The following KIRREL3 variants were observed in gnomAD, a reference collection of about 807,000 sequenced individuals.
The protein encoded by KIRREL3 is kin of IRRE-like protein 3.
KIRREL3 carries 36 observed loss-of-function variants against 89.7 expected under a neutral mutation model. The ratio of observed to expected loss-of-function variants is 0.40; its 90% CI spans 0.31 to 0.53. KIRREL3 has a LOEUF of 0.53. Among genes scored for constraint, KIRREL3 ranks in the 20% least tolerant of loss-of-function variants. KIRREL3 has a pLI of 0.49. For synonymous variants in KIRREL3, 445 were observed against 441.4 expected (o/e 1.01, Z -0.10); for missense variants, 864 against 1,056.6 (o/e 0.82, Z 2.53).
Position 126,492,762 on chromosome 11 carries a change from C to T in KIRREL3, c.434-19296G>A, listed in dbSNP as rs1957556194. 6.6e-6 allele frequency among the ~76,000 whole-genome samples: 1 copy of T among 152,132 alleles called. No individual in the cohort carries two copies. Among genetic ancestry groups the T allele is most frequent in the African/African-American group, 2.4e-5 (1 of 41,442 alleles). On this transcript the variant is annotated intron_variant, in intron 4 of 16. Coordinates refer to ENST00000525144, the MANE Select transcript of KIRREL3 (RefSeq NM_032531.4). The surrounding 1 kb of genome is among the most constrained non-coding windows in gnomAD (Gnocchi z 4.8). ...TGAGGGGGCTCTGAGCTGGACCGTG[C>T]AGGGAGGACTGGCTTCTTACCTGCC...
At chr11:126,538,019 AC>A (rs1938048980) in intron 2 of KIRREL3, among the ~76,000 whole-genome samples, 1 of 148,854 alleles carries the variant, frequency 6.7e-6, no homozygotes, top group Non-Finnish European at 1.5e-5. Context: ...TGAGCTTGGG[AC>A]TGTTAAAACA....
chr11:126,855,814 C>T (rs1194187366), intron 1 of KIRREL3, among the ~76,000 whole-genome samples: 1 of 152,194 alleles, frequency 6.6e-6, no homozygotes, highest in Non-Finnish European at 1.5e-5. Flanking sequence ...GTGCCCTTTT[C>T]CCTCCCACCA....
chr11:127,000,885 G>C, upstream of KIRREL3: 1 of 404,216 alleles, frequency 2.5e-6, no homozygotes, highest in Non-Finnish European at 4.3e-6. This position sits in a 1 kb window ranked among gnomAD's most constrained non-coding sequence, Gnocchi z 7.1. Flanking sequence ...GGCGAGGGGA[G>C]AGGGAGGGGA....
At position 126,740,689 on chromosome 11, in the gene KIRREL3, T is replaced by C. The variant is rs1341625864; in HGVS notation, c.56-177777A>G. Among the ~76,000 whole-genome samples, 1 of 152,034 alleles carries C rather than the reference T, an allele frequency of 6.6e-6. No homozygotes were observed. The highest frequency in any genetic ancestry group is 6.6e-5 in the Admixed American group (1 of 15,266). ...GTAGAGGGGCTCTAGTAGGGTGTCT[T>C]GATGGGGCACAGGGGATGGGGCTAG... is the stretch of plus-strand genomic sequence containing the variant. On this transcript the variant is annotated intron_variant, in intron 1 of 16. Transcript: ENST00000525144. This position sits in a 1 kb window ranked among gnomAD's most constrained non-coding sequence, Gnocchi z 6.0.
In KIRREL3 at chr11:126,704,091, T is replaced by A. The variant is rs1414348889; in HGVS notation, c.56-141179A>T. Among the ~76,000 whole-genome samples, 2 of 152,214 alleles carry A rather than the reference T, an allele frequency of 1.3e-5. No individual in the cohort carries two copies. The highest frequency in any genetic ancestry group is 2.4e-5 in the African/African-American group (1 of 41,454). On this transcript the variant is annotated intron_variant, in intron 1 of 16. Coordinates refer to ENST00000525144, the MANE Select transcript of KIRREL3 (RefSeq NM_032531.4). The surrounding 1 kb of genome is among the most constrained non-coding windows in gnomAD (Gnocchi z 4.2). ...AATTAGATATAACTATATTCACACA[T>A]AGACACATATTACAACTTGAACTTA...
At chr11:126,850,673 A>G (rs1944310490) in intron 1 of KIRREL3, among the ~76,000 whole-genome samples, 1 of 152,214 alleles carries the variant, frequency 6.6e-6, no homozygotes, top group Non-Finnish European at 1.5e-5. Context: ...AGACTTTACC[A>G]GGAACTTCAA....
chr11:126,720,515 A>T (rs1256221175), intron 1 of KIRREL3, among the ~76,000 whole-genome samples: 1 of 152,244 alleles, frequency 6.6e-6, no homozygotes, highest in East Asian at 1.9e-4. Context: ...GTATCTAAGG[A>T]AATAAAAGCA....
At chr11:126,597,649 T>G (rs1565581184) in intron 1 of KIRREL3, among the ~76,000 whole-genome samples, 1 of 152,162 alleles carries the variant, frequency 6.6e-6, no homozygotes, top group Non-Finnish European at 1.5e-5. Flanking sequence ...CAAGGTTCTC[T>G]CGAGTGCCTT....
At chr11:126,456,304 TG>T in intron 7 of KIRREL3, 44 bp downstream of exon 7, 2 of 1,324,866 alleles carry the variant, frequency 1.5e-6, no homozygotes, top group Non-Finnish European at 2.1e-6. Context: ...GGCACGGGGG[TG>T]GGGGCCAGTG....
rs918070315 is a variant in KIRREL3, at chr11:126,498,363, G to T, written c.433+22952C>A. Among the ~76,000 whole-genome samples the T allele has an allele frequency of 6.6e-6, 1 of 152,122 alleles. No homozygotes were observed. The highest frequency in any genetic ancestry group is 1.5e-5 in the Non-Finnish European group (1 of 68,040). On this transcript the variant is annotated intron_variant, in intron 4 of 16. Transcript: ENST00000525144. The surrounding 1 kb of genome is among the most constrained non-coding windows in gnomAD (Gnocchi z 4.3). ...TCATAACATTCCTCAGTAAACAGCA[G>T]CCTCTCTTTAATAAGCCAGGCTCTT... is the stretch of plus-strand genomic sequence containing the variant.
Position 126,761,683 on chromosome 11 carries a change from T to C in KIRREL3, c.56-198771A>G, listed in dbSNP as rs951051500. On this transcript the variant is annotated intron_variant, in intron 1 of 16. Coordinates refer to ENST00000525144, the MANE Select transcript of KIRREL3 (RefSeq NM_032531.4). This position sits in a 1 kb window ranked among gnomAD's most constrained non-coding sequence, Gnocchi z 4.4. ...TGTAGAAATGTGATTATGGTGTAGTTTGTGTATATCACCAGATCTTATGAA... is the reference window on the plus strand; with the variant it reads ...TGTAGAAATGTGATTATGGTGTAGTCTGTGTATATCACCAGATCTTATGAA... Among the ~76,000 whole-genome samples, 6 of 151,886 alleles carry C rather than the reference T, an allele frequency of 4.0e-5. No individual in the cohort carries two copies. Among genetic ancestry groups the C allele is most frequent in the South Asian group, 2.1e-4 (1 of 4,804 alleles).
At chr11:126,792,738 T>C (rs1489939855) in intron 1 of KIRREL3, among the ~76,000 whole-genome samples, 1 of 152,222 alleles carries the variant, frequency 6.6e-6, no homozygotes, top group Non-Finnish European at 1.5e-5. Flanking sequence ...TCTTAGACCA[T>C]GATACGAAGT....
In KIRREL3 at chr11:126,807,468, A is replaced by T. The variant is rs560714148; in HGVS notation, c.55+192987T>A. Among the ~76,000 whole-genome samples, 1 of 152,222 alleles carries T rather than the reference A, an allele frequency of 6.6e-6. No homozygotes were observed. Among genetic ancestry groups the T allele is most frequent in the Non-Finnish European group, 1.5e-5 (1 of 68,040 alleles). The stretch of plus-strand genomic sequence containing the variant: ...TGTGTTTAACCATTCATGTCTAACT[A>T]TTCAAATTTAAAAATCTGTTTCAAT... On this transcript the variant is annotated intron_variant, in intron 1 of 16. Transcript: ENST00000525144. This position sits in a 1 kb window ranked among gnomAD's most constrained non-coding sequence, Gnocchi z 4.3.
At chr11:126,707,835 C>A (rs1291977919) in intron 1 of KIRREL3, among the ~76,000 whole-genome samples, 3 of 147,484 alleles carry the variant, frequency 2.0e-5, no homozygotes, top group Admixed American at 1.3e-4. Flanking sequence ...TTGTGATGAG[C>A]TTTTTTTTTT....
At chr11:126,589,199 G>T (rs1309989706) in intron 1 of KIRREL3, among the ~76,000 whole-genome samples, 2 of 152,252 alleles carry the variant, frequency 1.3e-5, no homozygotes, top group African/African-American at 2.4e-5. Context: ...TTCATCACGA[G>T]AACAGGGACA....
chr11:126,552,528 A>G (rs184871572), intron 2 of KIRREL3, among the ~76,000 whole-genome samples: 42 of 145,174 alleles, frequency 2.9e-4, no homozygotes, highest in Admixed American at 2.3e-3. Flanking sequence ...GGATCACTGC[A>G]TCACACAGGG....
At chr11:126,592,006 G>A (rs560105323) in intron 1 of KIRREL3, among the ~76,000 whole-genome samples, 1 of 152,236 alleles carries the variant, frequency 6.6e-6, no homozygotes, top group South Asian at 2.1e-4. Flanking sequence ...GCAGTGCCAC[G>A]GCTGGGGGTC....
At position 126,491,558 on chromosome 11, in the gene KIRREL3, C is replaced by T. The variant is rs1442071662; in HGVS notation, c.434-18092G>A. ...GCAGGTAAGGAGGCCATATCAGGAACACCTGCCCATGTCTGTCCCCAGAGA... is the reference window on the plus strand; with the variant it reads ...GCAGGTAAGGAGGCCATATCAGGAATACCTGCCCATGTCTGTCCCCAGAGA... On this transcript the variant is annotated intron_variant, in intron 4 of 16. Coordinates refer to ENST00000525144, the MANE Select transcript of KIRREL3 (RefSeq NM_032531.4). The surrounding 1 kb of genome is among the most constrained non-coding windows in gnomAD (Gnocchi z 5.5). 6.6e-6 allele frequency among the ~76,000 whole-genome samples: 1 copy of T among 152,178 alleles called. No homozygotes were observed. The highest frequency in any genetic ancestry group is 2.4e-5 in the African/African-American group (1 of 41,446).
At position 126,987,185 on chromosome 11, in the gene KIRREL3, C is replaced by T. The variant is rs1444964636; in HGVS notation, c.55+13270G>A. On this transcript the variant is annotated intron_variant, in intron 1 of 16. Transcript: ENST00000525144. The surrounding 1 kb of genome is among the most constrained non-coding windows in gnomAD (Gnocchi z 4.6). ...GAGATAATTACCTGTCAGGAACACGCAAAGGGAGTCTACACCTAGAATTAA... is the reference window on the plus strand; with the variant it reads ...GAGATAATTACCTGTCAGGAACACGTAAAGGGAGTCTACACCTAGAATTAA... 6.6e-6 allele frequency among the ~76,000 whole-genome samples: 1 copy of T among 152,102 alleles called. No individual in the cohort carries two copies. The highest frequency in any genetic ancestry group is 1.5e-5 in the Non-Finnish European group (1 of 68,030).
Sources: allele counts gnomAD v4.1 joint callset (sites outside exome capture counted in the v4.1 genomes callset), GRCh38; gene constraint gnomAD v4.1.1; non-coding constraint Gnocchi (gnomAD v3.1); transcripts MANE v1.5; gene names NCBI Gene and HGNC (gene_info 2026-07-23, HGNC 2026-07-21).